Variants in CEP85L observed in about 807,000 individuals in gnomAD.
The protein encoded by CEP85L is centrosomal protein of 85 kDa-like.
In CEP85L, 60 loss-of-function variants were observed where a neutral mutation model predicts 100.3. That is an observed-to-expected ratio of 0.60 (90% CI 0.49 to 0.74). CEP85L has a LOEUF of 0.74. Ranked by LOEUF, CEP85L falls within the 30% of genes least tolerant of loss-of-function variation. CEP85L has a pLI of 0.00. For missense variants in CEP85L, 973 were observed against 936.2 expected (o/e 1.04, Z -0.51); for synonymous variants, 319 against 322.7 (o/e 0.99, Z 0.12).
At position 118,693,748 on chromosome 6, in the gene CEP85L, C is replaced by T. The variant is rs182118922; in HGVS notation, c.-28+16288G>A. 3.3e-5 allele frequency among the ~76,000 whole-genome samples: 5 copies of T among 152,136 alleles called. No homozygotes were observed. The South Asian group carries it at 6.2e-4, about 19-fold the overall frequency. On this transcript the variant is annotated intron_variant, in intron 1 of 13. Coordinates refer to the CEP85L transcript ENST00000368488. Reference sequence around the variant, plus strand: ...CTTAGCATCAGATATCACAGCTGGCCCAATTGGCATTATGTGTTGGATACT... The same window carrying T: ...CTTAGCATCAGATATCACAGCTGGCTCAATTGGCATTATGTGTTGGATACT...
chr6:118,646,624 G>C (rs771950372), intron 1 of CEP85L, among the ~76,000 whole-genome samples: 1 of 151,962 alleles, frequency 6.6e-6, no homozygotes, highest in Non-Finnish European at 1.5e-5. Context: ...AGCCGAGATC[G>C]CACTCCAGCC....
chr6:118,543,673 C>T (rs1269757143), intron 3 of CEP85L, among the ~76,000 whole-genome samples: 2 of 152,056 alleles, frequency 1.3e-5, no homozygotes, highest in African/African-American at 4.8e-5. Context: ...GAAAATAATT[C>T]GGATAGAAGA....
intron 2 of CEP85L, among the ~76,000 whole-genome samples, chr6:118,572,347 A>C (rs1008553745): frequency 2.8e-4 from 43 of 151,446 alleles, no homozygotes; most frequent in African/African-American, 9.5e-4. Context: ...CGAGGTCAAG[A>C]TATCAAGACC....
At position 118,648,244 on chromosome 6, in the gene CEP85L, ACT is replaced by A. The variant is rs201567841; in HGVS notation, c.73+2951_73+2952del. On this transcript the variant is annotated intron_variant, in intron 1 of 12. Coordinates refer to ENST00000368491, the MANE Select transcript of CEP85L (RefSeq NM_001042475.3). ...ACTCCAGGCTGGGCAACAGAGGGAAACTCTGTCTCAAAAAATAAATAAATAAA... is the reference window on the plus strand; with the variant it reads ...ACTCCAGGCTGGGCAACAGAGGGAAACTGTCTCAAAAAATAAATAAATAAA... Among the ~76,000 whole-genome samples, 273 of 152,064 alleles carry A rather than the reference ACT, an allele frequency of 1.8e-3. 7 individuals carry two copies. The East Asian group carries it at 0.037, about 20-fold the overall frequency.
chr6:118,609,719 A>C (rs1772481420), intron 2 of CEP85L, among the ~76,000 whole-genome samples: 1 of 152,216 alleles, frequency 6.6e-6, no homozygotes, highest in African/African-American at 2.4e-5. Flanking sequence ...TTAAATATTG[A>C]AGTAGAATGT....
At chr6:118,541,907 A>G (rs1438549898) in intron 3 of CEP85L, among the ~76,000 whole-genome samples, 1 of 152,222 alleles carries the variant, frequency 6.6e-6, no homozygotes, top group Non-Finnish European at 1.5e-5. Flanking sequence ...TCTAATTATA[A>G]GGAAATGTAA....
At chr6:118,709,418 G>T (rs564677050) in intron 1 of CEP85L, among the ~76,000 whole-genome samples, 1 of 152,084 alleles carries the variant, frequency 6.6e-6, no homozygotes, top group African/African-American at 2.4e-5. Context: ...ATTTCTCAGC[G>T]CATGCGGCTC....
chr6:118,540,658 G>A (rs1777856184), intron 3 of CEP85L, among the ~76,000 whole-genome samples: 3 of 152,008 alleles, frequency 2.0e-5, no homozygotes, highest in African/African-American at 7.2e-5. Context: ...TAGGGAGGCT[G>A]AGGCAGGAGA....
At chr6:118,482,037 A>C (rs1773828415) in intron 7 of CEP85L, 104 bp from the exon 8 acceptor site, 1 of 483,128 alleles carries the variant, frequency 2.1e-6, no homozygotes, top group Admixed American at 4.6e-5. Context: ...GTAGCTAAAA[A>C]AAAAAAAAAA....
intron 1 of CEP85L, among the ~76,000 whole-genome samples, chr6:118,701,166 C>T (rs920984444): frequency 6.6e-5 from 10 of 152,134 alleles, no homozygotes; most frequent in African/African-American, 4.8e-5. Flanking sequence ...TGGGTTCCTG[C>T]GCTTATACAC....
chr6:118,659,341 C>T (rs1249954701), intron 1 of CEP85L, among the ~76,000 whole-genome samples: 1 of 152,098 alleles, frequency 6.6e-6, no homozygotes, highest in Non-Finnish European at 1.5e-5. Context: ...TCTATATTCT[C>T]TAATTGAGAC....
upstream of CEP85L, among the ~76,000 whole-genome samples, chr6:118,656,329 A>T (rs1434973005): frequency 6.6e-6 from 1 of 152,240 alleles, no homozygotes; most frequent in Non-Finnish European, 1.5e-5. Flanking sequence ...CAAAGCTGAA[A>T]TGTGGAGAGA....
At chr6:118,577,790 T>G (rs1780328984) in intron 2 of CEP85L, among the ~76,000 whole-genome samples, 1 of 152,168 alleles carries the variant, frequency 6.6e-6, no homozygotes, top group Non-Finnish European at 1.5e-5. Context: ...AATTCTAGAA[T>G]TCTTCTCTAG....
At chr6:118,533,761 A>C (rs180920233) in intron 3 of CEP85L, among the ~76,000 whole-genome samples, 80 of 152,216 alleles carry the variant, frequency 5.3e-4, no homozygotes, top group African/African-American at 1.8e-3. Flanking sequence ...TACGTTTGGC[A>C]TACGGTTTTC....
intron 3 of CEP85L, among the ~76,000 whole-genome samples, chr6:118,546,020 T>C (rs1778179650): frequency 7.2e-6 from 1 of 138,534 alleles, no homozygotes; most frequent in Non-Finnish European, 1.6e-5. Context: ...AGCCTCTAGC[T>C]GAGGAATCAT....
intron 1 of CEP85L, among the ~76,000 whole-genome samples, chr6:118,638,870 A>G (rs930853524): frequency 6.6e-6 from 1 of 152,162 alleles, no homozygotes; most frequent in Non-Finnish European, 1.5e-5. Context: ...CTTTTATTGG[A>G]AGCAAAAATG....
chr6:118,506,895 A>G (rs1775690988), intron 5 of CEP85L, among the ~76,000 whole-genome samples: 1 of 152,158 alleles, frequency 6.6e-6, no homozygotes, highest in South Asian at 2.1e-4. Flanking sequence ...CCTTTCTAGA[A>G]CAACTCCCTC....
chr6:118,537,806 T>C (rs1438638555), intron 3 of CEP85L: 1 of 985,224 alleles, frequency 1.0e-6, no homozygotes, highest in Non-Finnish European at 1.2e-6. Flanking sequence ...GTTTGTTATC[T>C]CTCCTTCACT....
intron 1 of CEP85L, among the ~76,000 whole-genome samples, chr6:118,637,730 G>A (rs1774602605): frequency 1.1e-5 from 1 of 94,546 alleles, no homozygotes; most frequent in African/African-American, 3.5e-5. Context: ...AAAAAAAGTT[G>A]TCTATATATT....
Sources: allele counts gnomAD v4.1 joint callset (sites outside exome capture counted in the v4.1 genomes callset), GRCh38; gene constraint gnomAD v4.1.1; transcripts MANE v1.5; gene names NCBI Gene and HGNC (gene_info 2026-07-23, HGNC 2026-07-21).